GRIK4: variants seen among roughly 807,000 people sequenced by gnomAD.
GRIK4 encodes glutamate ionotropic receptor kainate type subunit 4, also known as glutamate receptor ionotropic, kainate 4.
A neutral mutation model predicts 104.9 loss-of-function variants in GRIK4; 40 were observed. The observed-to-expected ratio is 0.38, with a 90% CI of 0.30 to 0.50. The LOEUF (loss-of-function observed/expected upper bound fraction) is 0.50. GRIK4 is among the 20% of genes least tolerant of loss of function. The probability of loss-of-function intolerance (pLI) is 0.93; values close to 1 mark genes in which losing one functional copy is unlikely to be tolerated. For synonymous variants in GRIK4, 485 were observed against 524.9 expected (o/e 0.92, Z 1.04); for missense variants, 1,047 against 1,308.1 (o/e 0.80, Z 3.08).
At chr11:120,610,892 ACT>A (rs1040354246) in intron 1 of GRIK4, among the ~76,000 whole-genome samples, 1 of 151,544 alleles carries the variant, frequency 6.6e-6, no homozygotes, top group African/African-American at 2.4e-5. Flanking sequence ...TTGATTGGAA[ACT>A]CTCTGACCAG....
intron 4 of GRIK4, among the ~76,000 whole-genome samples, chr11:120,804,288 G>T (rs1052537328): frequency 7.2e-5 from 11 of 152,224 alleles, no homozygotes; most frequent in African/African-American, 2.4e-4. Context: ...AAATACATCT[G>T]TTCTTCCATC....
chr11:120,877,734 G>C (rs1332226329), intron 11 of GRIK4, among the ~76,000 whole-genome samples: 1 of 152,116 alleles, frequency 6.6e-6, no homozygotes, highest in Non-Finnish European at 1.5e-5. Context: ...AAAAGAAAAC[G>C]GGGAAAGGAG....
At chr11:120,609,798 G>A (rs1335460970) in intron 1 of GRIK4, among the ~76,000 whole-genome samples, 4 of 152,094 alleles carry the variant, frequency 2.6e-5, no homozygotes, top group Non-Finnish European at 5.9e-5. Flanking sequence ...ACAGGCATGA[G>A]CCATACGCCC....
At chr11:120,592,861 G>T (rs1451085015) in intron 1 of GRIK4, among the ~76,000 whole-genome samples, 1 of 152,142 alleles carries the variant, frequency 6.6e-6, no homozygotes, top group Non-Finnish European at 1.5e-5. Flanking sequence ...TCGCAGCAAG[G>T]CAGGGATGTG....
At chr11:120,721,272 A>G (rs1046319813) in intron 3 of GRIK4, among the ~76,000 whole-genome samples, 2 of 152,304 alleles carry the variant, frequency 1.3e-5, no homozygotes, top group Middle Eastern at 3.4e-3. Context: ...GGGAAAACAA[A>G]TGTGGATGAG....
intron 1 of GRIK4, among the ~76,000 whole-genome samples, chr11:120,543,978 G>T (rs911550225): frequency 6.6e-6 from 1 of 152,224 alleles, no homozygotes. Context: ...AGGGGCTGGT[G>T]GGGAGGGGAA....
intron 1 of GRIK4, among the ~76,000 whole-genome samples, chr11:120,557,238 C>G (rs181675195): frequency 3.3e-4 from 51 of 152,334 alleles, no homozygotes; most frequent in East Asian, 1.9e-3. Flanking sequence ...TCCTGTCCCC[C>G]CCGAGGACTC....
intron 3 of GRIK4, among the ~76,000 whole-genome samples, chr11:120,716,352 T>TC (rs889066570): frequency 3.3e-5 from 5 of 151,932 alleles, no homozygotes; most frequent in African/African-American, 4.8e-5. Flanking sequence ...CAAGCAATCC[T>TC]CCCCCCTCAG....
chr11:120,861,274 A>C (rs1165498123), intron 8 of GRIK4, among the ~76,000 whole-genome samples: 2 of 151,752 alleles, frequency 1.3e-5, no homozygotes. Context: ...ACATCCGGCT[A>C]GTTTTGTATT....
intron 11 of GRIK4, among the ~76,000 whole-genome samples, chr11:120,882,716 C>T (rs1487337148): frequency 6.6e-6 from 1 of 152,164 alleles, no homozygotes; most frequent in Non-Finnish European, 1.5e-5. Flanking sequence ...TCCATCTTTC[C>T]TACCAGAGAA....
chr11:120,938,326 C>T (rs755476785), intron 13 of GRIK4, among the ~76,000 whole-genome samples: 8 of 152,228 alleles, frequency 5.3e-5, no homozygotes, highest in Admixed American at 2.0e-4. Context: ...CAGTCATCAG[C>T]ACTGTCTTGG....
At chr11:120,680,890 C>T (rs1303134771) in intron 3 of GRIK4, among the ~76,000 whole-genome samples, 2 of 152,170 alleles carry the variant, frequency 1.3e-5, no homozygotes, top group Non-Finnish European at 2.9e-5. Context: ...GTAACACTAA[C>T]GTTGAGTCTC....
In GRIK4 at chr11:120,962,679, T is replaced by C. The variant is rs777224197; in HGVS notation, c.2264T>C (p.Val755Ala). Residue 755 changes from valine to alanine, a missense_variant and splice_region_variant, in exon 18 of 21, where the codon GTC becomes GCC. Around this residue, in one of 3 missense-constraint regions of GRIK4, gnomAD observed 440 missense variants for 652.3 expected, o/e 0.67. Transcript: ENST00000527524. ...DTKGYGIGMP[V>A]GSVFRDEFDL... ...AAGGGCTATGGGATTGGCATGCCAG[T>C]CGGTATGCGGGAGAGGAACAGCCTC... is the stretch of plus-strand genomic sequence containing the variant. The C allele has an allele frequency of 6.8e-6, 11 of 1,607,164 alleles. No individual in the cohort carries two copies. The highest frequency in any genetic ancestry group is 9.4e-6 in the Non-Finnish European group (11 of 1,173,724).
chr11:120,749,665 G>A (rs991347870), intron 3 of GRIK4, among the ~76,000 whole-genome samples: 1 of 152,144 alleles, frequency 6.6e-6, no homozygotes, highest in Non-Finnish European at 1.5e-5. Flanking sequence ...AGGACAGACA[G>A]CAGGAAGATG....
intron 3 of GRIK4, among the ~76,000 whole-genome samples, chr11:120,666,430 T>G (rs911103214): frequency 2.6e-5 from 4 of 152,184 alleles, no homozygotes; most frequent in African/African-American, 4.8e-5. Context: ...CAGGGGCCAG[T>G]GTGGCGACGC....
At chr11:120,955,895 C>G (rs1944135493) in intron 15 of GRIK4, among the ~76,000 whole-genome samples, 1 of 151,904 alleles carries the variant, frequency 6.6e-6, no homozygotes, top group South Asian at 2.1e-4. Flanking sequence ...GCCAGTGGCT[C>G]TCAGTATGGA....
chr11:120,625,646 C>T (rs1217959536), intron 1 of GRIK4, among the ~76,000 whole-genome samples: 2 of 151,828 alleles, frequency 1.3e-5, no homozygotes, highest in Non-Finnish European at 2.9e-5. Context: ...TGGTCTGGGT[C>T]TCGGTGGGCA....
chr11:120,686,520 T>G lies in GRIK4; in HGVS notation c.82+26120T>G, dbSNP rs1179297835. Among the ~76,000 whole-genome samples, 3 of 152,220 alleles carry G rather than the reference T, an allele frequency of 2.0e-5. No individual in the cohort carries two copies. The East Asian group carries it at 5.8e-4, about 29-fold the overall frequency. On this transcript the variant is annotated intron_variant, in intron 3 of 20. Transcript: ENST00000527524. The stretch of plus-strand genomic sequence containing the variant: ...GTATTCCCCAGGGGGCCTCACACAG[T>G]GCCTGTGTACCATACCAGGGAAGCT...
chr11:120,733,678 T>C (rs1951177286), intron 3 of GRIK4, among the ~76,000 whole-genome samples: 1 of 152,130 alleles, frequency 6.6e-6, no homozygotes, highest in African/African-American at 2.4e-5. Flanking sequence ...TATTGTACTA[T>C]GCCTTAAAAG....
Sources: allele counts gnomAD v4.1 joint callset (sites outside exome capture counted in the v4.1 genomes callset), GRCh38; gene constraint gnomAD v4.1.1; regional missense constraint gnomAD v4.1.1; transcripts MANE v1.5; gene names NCBI Gene and HGNC (gene_info 2026-07-23, HGNC 2026-07-21).